PRKAR1A: variants seen among roughly 807,000 people sequenced by gnomAD.
PRKAR1A encodes cAMP-dependent protein kinase type I-alpha regulatory subunit.
A neutral mutation model predicts 52.0 loss-of-function variants in PRKAR1A; 3 were observed. That is an observed-to-expected ratio of 0.06 (90% CI 0.03 to 0.15). PRKAR1A has a LOEUF of 0.15. Among genes scored for constraint, PRKAR1A ranks in the 10% least tolerant of loss-of-function variants. PRKAR1A has a pLI of 1.00. For missense variants in PRKAR1A, 240 were observed against 477.4 expected (o/e 0.50, Z 4.63); for synonymous variants, 188 against 168.4 (o/e 1.12, Z -0.90).
the PRKAR1A span, chr17:68,444,444 C>G: frequency 1.6e-5 from 24 of 1,535,586 alleles, no homozygotes; most frequent in Non-Finnish European, 2.1e-5. Flanking sequence ...GGGAAAGAAG[C>G]ACCAGGACAT....
At chr17:68,510,828 G>A (rs1568683462), upstream of PRKAR1A, among the ~76,000 whole-genome samples, 1 of 152,154 alleles carries the variant, frequency 6.6e-6, no homozygotes, top group Non-Finnish European at 1.5e-5. Flanking sequence ...ATCCCTATCA[G>A]AAGGCAGTGA....
At chr17:68,440,883 T>G in the PRKAR1A span, 1 of 152,244 alleles carries the variant, frequency 6.6e-6, no homozygotes, top group Admixed American at 6.5e-5. Context: ...TGTCTCAGGT[T>G]ACGCTTTCCG....
intron 11 of PRKAR1A, chr17:68,540,023 TGACCTGA>T: frequency 6.7e-7 from 1 of 1,484,966 alleles, no homozygotes. Flanking sequence ...CAGGTGCTCC[TGACCTGA>T]GTTCTCTCCA....
the PRKAR1A span, chr17:68,434,544 T>C: frequency 4.3e-6 from 7 of 1,613,642 alleles, no homozygotes; most frequent in African/African-American, 2.7e-5. Flanking sequence ...GGGTTTGACA[T>C]TGAACACAGA....
At chr17:68,545,202 CTG>C (rs2086492132) in intron 11 of PRKAR1A, among the ~76,000 whole-genome samples, 1 of 152,254 alleles carries the variant, frequency 6.6e-6, no homozygotes, top group African/African-American at 2.4e-5. Context: ...GTAGATTACA[CTG>C]TGTTATGGTA....
At position 68,548,347 on chromosome 17, in the gene PRKAR1A, C is replaced by T. The variant is rs140571148; in HGVS notation, c.974-2737C>T. 5.2e-3 allele frequency among the ~76,000 whole-genome samples: 792 copies of T among 152,164 alleles called. 6 individuals carry two copies. Among genetic ancestry groups the T allele is most frequent in the African/African-American group, 0.018 (731 of 41,474 alleles). On this transcript the variant is annotated intron_variant, in intron 11 of 11. Transcript: ENST00000585981. ...GAGTTCGAGACCAGCCTGGCCAACACGGTGAAACCCCGTCTCTACTAAAAA... is the reference window on the plus strand; with the variant it reads ...GAGTTCGAGACCAGCCTGGCCAACATGGTGAAACCCCGTCTCTACTAAAAA...
the PRKAR1A span, among the ~76,000 whole-genome samples, chr17:68,486,555 TTCTTTC>T: frequency 1.4e-5 from 2 of 143,912 alleles, no homozygotes; most frequent in African/African-American, 5.3e-5. Context: ...CTTTCTTTCT[TTCTTTC>T]TTTCTTTCTT....
the PRKAR1A span, among the ~76,000 whole-genome samples, chr17:68,458,750 G>C: frequency 6.6e-6 from 1 of 152,178 alleles, no homozygotes; most frequent in Non-Finnish European, 1.5e-5. Context: ...GCCAGCTTTG[G>C]ATTGTATAAC....
At chr17:68,539,998 A>G in intron 11 of PRKAR1A, 2 of 1,602,182 alleles carry the variant, frequency 1.2e-6, no homozygotes, top group South Asian at 2.2e-5. Flanking sequence ...AGCTGGAACC[A>G]GCAGGCCAGG....
chr17:68,427,914 G>C, the PRKAR1A span, among the ~76,000 whole-genome samples: 97 of 152,238 alleles, frequency 6.4e-4, no homozygotes, highest in African/African-American at 2.2e-3. Context: ...TTTTGAGACA[G>C]GGTCTCACTC....
At position 68,522,907 on chromosome 17, in the gene PRKAR1A, C is replaced by T. The variant is rs1194755479; in HGVS notation, c.329C>T (p.Ala110Val). 7 of 1,613,666 alleles carry T rather than the reference C, an allele frequency of 4.3e-6. No individual in the cohort carries two copies. Among genetic ancestry groups the T allele is most frequent in the African/African-American group, 4.0e-5 (3 of 74,908 alleles). ...GCTGAGGTCTACACGGAGGAAGATG[C>T]GGCATCCTATGTTAGAAAGGTAGTT... ...ISAEVYTEEDAASYVRKVIPK... is the reference protein window; with the variant it reads ...ISAEVYTEEDVASYVRKVIPK... The change falls in exon 3 of 11, where the codon GCG (alanine) becomes GTG (valine). Residue 110 changes from alanine to valine, a missense_variant. Physicochemically the swap from Ala to Val is moderately conservative, Grantham distance 64 (BLOSUM62 0). Coordinates refer to ENST00000589228, the MANE Select transcript of PRKAR1A (RefSeq NM_002734.5).
the PRKAR1A span, chr17:68,435,822 G>T: frequency 3.1e-6 from 3 of 971,650 alleles, no homozygotes; most frequent in Non-Finnish European, 4.8e-6. Flanking sequence ...CCAGCTCCCT[G>T]TCTCTTCCTC....
At chr17:68,445,837 T>G in the PRKAR1A span, among the ~76,000 whole-genome samples, 1 of 152,202 alleles carries the variant, frequency 6.6e-6, no homozygotes, top group Non-Finnish European at 1.5e-5. Flanking sequence ...CATGCCTGAC[T>G]TGGCTCCCCT....
chr17:68,541,044 A>G, intron 11 of PRKAR1A: 1 of 1,540,808 alleles, frequency 6.5e-7, no homozygotes, highest in South Asian at 1.2e-5. Context: ...TGCCCCCCCA[A>G]TCCCTGCCTC....
chr17:68,434,072 T>C, the PRKAR1A span, among the ~76,000 whole-genome samples: 3 of 151,918 alleles, frequency 2.0e-5, no homozygotes, highest in African/African-American at 7.3e-5. Flanking sequence ...GCCCGGCCCA[T>C]AGTCTTATTT....
chr17:68,529,784 G>A, intron 9 of PRKAR1A, 136 bp from the exon 10 acceptor site: 1 of 846,872 alleles, frequency 1.2e-6, no homozygotes, highest in South Asian at 1.4e-5. Flanking sequence ...TGAAGCTCAT[G>A]TGGTGACTAA....
the PRKAR1A span, among the ~76,000 whole-genome samples, chr17:68,468,542 A>G: frequency 0.19 from 28,374 of 152,164 alleles, 2,900 homozygotes; most frequent in South Asian, 0.22. Context: ...TCTGTTATAA[A>G]TGGAAATGTG....
intron 11 of PRKAR1A, among the ~76,000 whole-genome samples, chr17:68,548,775 T>C (rs1030630854): frequency 4.5e-5 from 6 of 133,754 alleles, no homozygotes; most frequent in East Asian, 4.9e-4. Context: ...CTCTGTCGCC[T>C]GGGCTGGAGT....
the PRKAR1A span, chr17:68,428,238 T>TA: frequency 3.3e-5 from 5 of 151,656 alleles, no homozygotes; most frequent in African/African-American, 1.2e-4. Context: ...GTTTTTTTTT[T>TA]TTTTTATTTT....
Sources: gnomAD v4.1 joint callset for allele counts (sites outside exome capture counted in the v4.1 genomes callset) on GRCh38, gnomAD v4.1.1 for gene constraint, MANE v1.5 for transcripts, NCBI Gene and HGNC (gene_info 2026-07-23, HGNC 2026-07-21) for gene names.